Variants in PDCD11 observed in about 807,000 individuals in gnomAD.
PDCD11 encodes the protein protein RRP5 homolog.
In PDCD11, 97 loss-of-function variants were observed where a neutral mutation model predicts 198.9. The observed-to-expected ratio is 0.49, with a 90% CI of 0.41 to 0.58. PDCD11 has a LOEUF of 0.58. PDCD11 is among the 20% of genes least tolerant of loss of function. PDCD11 has a pLI of 0.00. For missense variants in PDCD11, 2,102 were observed against 2,312.7 expected (o/e 0.91, Z 1.87); for synonymous variants, 893 against 918.0 (o/e 0.97, Z 0.49).
rs796362282 is a variant in PDCD11 at position 103,404,614 on chromosome 10, A to G, written c.403-408A>G. 4.6e-5 allele frequency among the ~76,000 whole-genome samples: 7 copies of G among 152,204 alleles called. No homozygotes were observed. The South Asian group carries it at 1.2e-3, about 27-fold the overall frequency. On this transcript the variant is annotated intron_variant, in intron 4 of 35. Transcript: ENST00000369797. ...ACACCCGACCCTCAAGTGCTTTTTA[A>G]TGGTCATGTAAGAGATAGACTGCAA...
At position 103,413,407 on chromosome 10, in the gene PDCD11, C is replaced by T. The variant is rs572994821; in HGVS notation, c.1185+85C>T. 4.2e-5 allele frequency: 45 copies of T among 1,084,228 alleles called. No individual in the cohort carries two copies. The African/African-American group carries it at 6.0e-4, about 15-fold the overall frequency. The allele number at this position is 1,084,228 out of a possible 1,614,324, so 67.2% of individuals were successfully genotyped here. On this transcript the variant is annotated intron_variant, in intron 9 of 35. Coordinates refer to ENST00000369797, the MANE Select transcript of PDCD11 (RefSeq NM_014976.2). ...GGGGGCCATTTCTGCTTCTTTCATT[C>T]CTTGATGCTAGTTTAAAATTTTTGG...
chr10:103,440,620 C>T (rs1489732042), intron 29 of PDCD11, 39 bp downstream of exon 29: 1 of 1,609,166 alleles, frequency 6.2e-7, no homozygotes, highest in Non-Finnish European at 8.5e-7. Flanking sequence ...CTATCCTCCT[C>T]CTGGAGGGAC....
chr10:103,408,971 C>T (rs2030629835), intron 7 of PDCD11, among the ~76,000 whole-genome samples: 1 of 152,116 alleles, frequency 6.6e-6, no homozygotes, highest in South Asian at 2.1e-4. Context: ...CAATCTCCAC[C>T]CACGAGGGTC....
In PDCD11 at chr10:103,440,803, T is replaced by G; in HGVS notation, c.4510T>G (p.Tyr1504Asp). ...EEDDSLVDVY[Y>D]REGKEEAEET... ...GGACGACAGCCTTGTGGACGTGTAC[T>G]ATCGGGAGGGAAAAGAGGAGGCAGA... is the stretch of plus-strand genomic sequence containing the variant. Residue 1504 changes from tyrosine to aspartate, a missense_variant, in exon 30 of 36, where the codon TAT becomes GAT. Transcript: ENST00000369797. The G allele has an allele frequency of 6.2e-7, 1 of 1,614,002 alleles. No homozygotes were observed. Among genetic ancestry groups the G allele is most frequent in the Non-Finnish European group, 8.5e-7 (1 of 1,179,954 alleles).
At chr10:103,434,177 C>T in intron 23 of PDCD11, 71 bp from the exon 24 acceptor site, 1 of 1,245,086 alleles carries the variant, frequency 8.0e-7, no homozygotes, top group Non-Finnish European at 1.2e-6. Flanking sequence ...GCTTTGGAGA[C>T]TTAAATGCTG....
chr10:103,401,794 G>A (rs998360888), intron 3 of PDCD11, among the ~76,000 whole-genome samples: 5 of 151,358 alleles, frequency 3.3e-5, no homozygotes, highest in East Asian at 1.9e-4. Context: ...CTGGAGTGCC[G>A]TGGTGCCATC....
In PDCD11 at chr10:103,439,836, T is replaced by C. The variant is rs1339691366; in HGVS notation, c.4116T>C (p.Pro1372=). The change falls in exon 28 of 36, where the codon CCT becomes CCC. Residue 1372 remains proline (P), a synonymous_variant. Coordinates refer to ENST00000369797, the MANE Select transcript of PDCD11 (RefSeq NM_014976.2). ...SKKALYNKHL[P]EGKLLTARVL... is the part of the protein sequence containing the mutation. ...AAGCCCTTTATAACAAACACCTCCCTGAAGGGAAGCTGCTCACAGCCAGGG... is the reference window on the plus strand; with the variant it reads ...AAGCCCTTTATAACAAACACCTCCCCGAAGGGAAGCTGCTCACAGCCAGGG... 2.5e-6 allele frequency: 4 copies of C among 1,614,056 alleles called. No homozygotes were observed. The highest frequency in any genetic ancestry group is 1.3e-5 in the African/African-American group (1 of 74,912).
chr10:103,425,741 G>A (rs567857341), intron 20 of PDCD11, among the ~76,000 whole-genome samples: 2 of 152,016 alleles, frequency 1.3e-5, no homozygotes, highest in South Asian at 4.2e-4. Context: ...GTGCAGTGGT[G>A]TGATCTCGCC....
chr10:103,445,387 T>C lies in PDCD11; in HGVS notation c.5454T>C (p.Phe1818=). The change falls in exon 36 of 36, where the codon TTT becomes TTC. Residue 1818 remains phenylalanine, a synonymous_variant. Transcript: ENST00000369797. ...TGCTTTTCCTCAACAGGGACATCTT[T>C]GAGCGGGTCATTCATCTGAGCTTGG... ...HGSQKDVRDI[F]ERVIHLSLAP... is the part of the protein sequence containing the mutation. The C allele has an allele frequency of 1.2e-6, 2 of 1,614,208 alleles. No individual in the cohort carries two copies. The highest frequency in any genetic ancestry group is 1.7e-6 in the Non-Finnish European group (2 of 1,180,040).
intron 17 of PDCD11, 60 bp from the exon 18 acceptor site, chr10:103,422,928 A>G: frequency 7.3e-7 from 1 of 1,365,662 alleles, no homozygotes; most frequent in South Asian, 2.0e-5. Flanking sequence ...CTGCCAGAGG[A>G]AAAGAACAGT....
intron 24 of PDCD11, chr10:103,434,567 T>C: frequency 1.7e-6 from 1 of 592,338 alleles, no homozygotes; most frequent in Non-Finnish European, 3.0e-6. Context: ...AGGTTACCCT[T>C]ACCTACACAG....
rs1180694129 is a variant in PDCD11 at position 103,423,051 on chromosome 10, A to T, written c.2561A>T (p.Gln854Leu). Residue 854 changes from glutamine to leucine, a missense_variant, in exon 18 of 36, where the codon CAG becomes CTG. By Grantham distance (113) the Gln-to-Leu change is moderately radical. Coordinates refer to ENST00000369797, the MANE Select transcript of PDCD11 (RefSeq NM_014976.2). ...TPGMFLDLVV[Q>L]EVLEDGSVVF... ...GGAATGTTCCTTGACCTAGTGGTGCAGGAGGTGTTGGAAGATGGCTCTGTG... is the reference window on the plus strand; with the variant it reads ...GGAATGTTCCTTGACCTAGTGGTGCTGGAGGTGTTGGAAGATGGCTCTGTG... The T allele has an allele frequency of 6.2e-7, 1 of 1,606,954 alleles. No homozygotes were observed. The highest frequency in any genetic ancestry group is 1.7e-5 in the Admixed American group (1 of 59,094).
rs746424453 is a variant in PDCD11 at position 103,434,982 on chromosome 10, G to T, written c.3845+7G>T. 2 of 1,517,720 alleles carry T rather than the reference G, an allele frequency of 1.3e-6. No individual in the cohort carries two copies. Among genetic ancestry groups the T allele is most frequent in the East Asian group, 2.5e-5 (1 of 39,482 alleles). The allele number at this position is 1,517,720 out of a possible 1,614,324, so 94.0% of individuals were successfully genotyped here. Reference sequence around the variant, plus strand: ...TCCCCCAGAAGGTTGTCAGGTAAGCGAAGTGTTCTTCCTCTTTTCACCTGT... The same window carrying T: ...TCCCCCAGAAGGTTGTCAGGTAAGCTAAGTGTTCTTCCTCTTTTCACCTGT... On this transcript the variant is annotated splice_region_variant and intron_variant, in intron 25 of 35. Coordinates refer to ENST00000369797, the MANE Select transcript of PDCD11 (RefSeq NM_014976.2).
At chr10:103,398,056 C>A (rs2093446574) in intron 1 of PDCD11, among the ~76,000 whole-genome samples, 1 of 152,188 alleles carries the variant, frequency 6.6e-6, no homozygotes, top group African/African-American at 2.4e-5. Context: ...AAGTTACTTG[C>A]ATAATTGTTT....
chr10:103,415,534 T>C (rs1287196486), intron 12 of PDCD11, among the ~76,000 whole-genome samples: 1 of 152,236 alleles, frequency 6.6e-6, no homozygotes, highest in African/African-American at 2.4e-5. Flanking sequence ...ATGCTAGGCA[T>C]GTGACAAGCA....
At chr10:103,414,662 C>T (rs540915196) in intron 11 of PDCD11, among the ~76,000 whole-genome samples, 15 of 152,182 alleles carry the variant, frequency 9.9e-5, no homozygotes, top group Non-Finnish European at 2.2e-4. Context: ...GTTCCAGGTA[C>T]CTGTCCTGTC....
Position 103,425,077 on chromosome 10 carries a change from T to C in PDCD11, c.2857T>C (p.Phe953Leu), listed in dbSNP as rs199624392. The C allele has an allele frequency of 2.2e-4, 355 of 1,614,104 alleles. No homozygotes were observed. Among genetic ancestry groups the C allele is most frequent in the Non-Finnish European group, 2.9e-4 (342 of 1,180,044 alleles). ...SLVETGHLAAFSLTSHLNDTF... is the reference protein window; with the variant it reads ...SLVETGHLAALSLTSHLNDTF... ...GGTAGAGACGGGCCACCTGGCAGCT[T>C]TCTCCCTGACCTCTCACCTCAACGA... Residue 953 changes from phenylalanine (F) to leucine (L), a missense_variant, in exon 20 of 36, where the codon TTC becomes CTC. Transcript: ENST00000369797.
rs774560271 is a variant in PDCD11 at position 103,416,636 on chromosome 10, A to G, written c.1664A>G (p.Tyr555Cys). The change falls in exon 13 of 36, where the codon TAT (tyrosine) becomes TGT (cysteine). Residue 555 changes from tyrosine to cysteine, a missense_variant. Transcript: ENST00000369797. Reference protein sequence around the residue: ...THGFIIRVKDYGCIVKFYNNV... With the variant: ...THGFIIRVKDCGCIVKFYNNV... ...GGCTTCATCATCAGGGTCAAGGACT[A>G]TGGCTGCATTGTGAAGTTCTACAAC... The G allele has an allele frequency of 9.9e-6, 16 of 1,614,076 alleles. No individual in the cohort carries two copies. The highest frequency in any genetic ancestry group is 1.4e-5 in the Non-Finnish European group (16 of 1,180,026).
At chr10:103,401,269 A>T (rs1249443994) in intron 3 of PDCD11, among the ~76,000 whole-genome samples, 1 of 151,530 alleles carries the variant, frequency 6.6e-6, no homozygotes, top group Non-Finnish European at 1.5e-5. Flanking sequence ...AAATTATTTT[A>T]TTTTATTTAT....
Sources: allele counts gnomAD v4.1 joint callset (sites outside exome capture counted in the v4.1 genomes callset), GRCh38; gene constraint gnomAD v4.1.1; transcripts MANE v1.5; gene names NCBI Gene and HGNC (gene_info 2026-07-23, HGNC 2026-07-21).